Variants in APOL1 observed in about 807,000 individuals in gnomAD.
APOL1 encodes the protein apolipoprotein L1, also known as apolipoprotein L 1.
A neutral mutation model predicts 14.9 loss-of-function variants in APOL1; 17 were observed. That is an observed-to-expected ratio of 1.14 (90% CI 0.78 to 1.71). The LOEUF is 1.71. Ranked by LOEUF, APOL1 falls within the 40% of genes most tolerant of loss-of-function variation. The pLI is 0.00. For synonymous variants in APOL1, 195 were observed against 184.8 expected (o/e 1.05, Z -0.45); for missense variants, 523 against 485.9 (o/e 1.08, Z -0.72).
At chr22:36,256,908 C>T (rs900242798) in intron 2 of APOL1, among the ~76,000 whole-genome samples, 175 bp from the exon 3 acceptor site, 4 of 152,180 alleles carry the variant, frequency 2.6e-5, no homozygotes, top group South Asian at 4.1e-4. Context: ...CTCTGCACAT[C>T]GCAGACATGC....
chr22:36,261,853 G>T (rs1043367287), intron 5 of APOL1, 131 bp downstream of exon 5: 14 of 1,131,218 alleles, frequency 1.2e-5, no homozygotes, highest in Admixed American at 2.8e-5. Flanking sequence ...TGACCTTCTT[G>T]GCACTCCAGG....
At chr22:36,258,075 A>C (rs1355468890) in intron 4 of APOL1, among the ~76,000 whole-genome samples, 1 of 151,304 alleles carries the variant, frequency 6.6e-6, no homozygotes, top group East Asian at 1.9e-4. Flanking sequence ...CCTGCCACAC[A>C]ATAGGGCCTC....
chr22:36,254,815 A>T, intron 1 of APOL1, 122 bp from the exon 2 acceptor site: 1 of 1,281,966 alleles, frequency 7.8e-7, no homozygotes, highest in Non-Finnish European at 1.1e-6. Flanking sequence ...GCGAGCCTAG[A>T]TCGCCCCACT....
intron 4 of APOL1, among the ~76,000 whole-genome samples, chr22:36,260,299 G>T (rs2016037264): frequency 6.6e-6 from 1 of 152,190 alleles, no homozygotes; most frequent in Non-Finnish European, 1.5e-5. Flanking sequence ...GGAGGCTGAG[G>T]CAGGAGAATG....
chr22:36,259,791 C>T (rs916569901), intron 4 of APOL1: 1 of 1,304,196 alleles, frequency 7.7e-7, no homozygotes, highest in Non-Finnish European at 1.0e-6. Context: ...CATGCCCCGT[C>T]GAAGAACCCC....
chr22:36,254,782 G>C (rs961779506), intron 1 of APOL1, 155 bp from the exon 2 acceptor site: 13 of 895,762 alleles, frequency 1.5e-5, no homozygotes, highest in Non-Finnish European at 2.2e-5. Flanking sequence ...AGAATGGCGT[G>C]AACCCGGGAG....
chr22:36,265,448 C>T lies in APOL1; in HGVS notation c.612C>T (p.Ser204=), dbSNP rs767476842. 1 of 1,614,016 alleles carries T rather than the reference C, an allele frequency of 6.2e-7. No individual in the cohort carries two copies. The highest frequency in any genetic ancestry group is 1.3e-5 in the African/African-American group (1 of 74,898). The change falls in exon 6 of 6, where the codon AGC becomes AGT. Residue 204 remains serine (S), a synonymous_variant. Transcript: ENST00000397278. The part of the protein sequence containing the change: ...MGLAPFTEGG[S]LVLLEPGMEL... Reference sequence around the variant, plus strand: ...TGGCACCCTTCACAGAGGGAGGCAGCCTTGTACTCTTGGAACCTGGGATGG... The same window carrying T: ...TGGCACCCTTCACAGAGGGAGGCAGTCTTGTACTCTTGGAACCTGGGATGG...
intron 4 of APOL1, 105 bp from the exon 5 acceptor site, chr22:36,261,491 C>A: frequency 7.8e-7 from 1 of 1,283,260 alleles, no homozygotes; most frequent in Admixed American, 1.9e-5. Flanking sequence ...ACAAGTCCCA[C>A]ATCACAGCTG....
At chr22:36,262,251 A>C (rs1044430147) in intron 5 of APOL1, among the ~76,000 whole-genome samples, 2 of 152,012 alleles carry the variant, frequency 1.3e-5, no homozygotes, top group Non-Finnish European at 2.9e-5. Context: ...CCTTTTTCTC[A>C]TCTGAGGAAT....
At chr22:36,264,212 T>A (rs2016160021) in intron 5 of APOL1, among the ~76,000 whole-genome samples, 1 of 152,310 alleles carries the variant, frequency 6.6e-6, no homozygotes, top group Middle Eastern at 3.4e-3. Context: ...ATGGCTGACC[T>A]GGAGTCTCCA....
intron 4 of APOL1, 29 bp from the exon 5 acceptor site, chr22:36,261,567 C>G (rs1331092695): frequency 1.6e-5 from 26 of 1,605,776 alleles, no homozygotes; most frequent in Non-Finnish European, 2.0e-5. Context: ...CACTTTCCTC[C>G]AACCTTATCC....
intron 5 of APOL1, among the ~76,000 whole-genome samples, chr22:36,263,719 A>G (rs2016144859): frequency 1.3e-5 from 2 of 152,242 alleles, no homozygotes; most frequent in Non-Finnish European, 1.5e-5. Flanking sequence ...ACATTAAACC[A>G]GAAATGAAGC....
chr22:36,263,841 G>A (rs942227885), intron 5 of APOL1, among the ~76,000 whole-genome samples: 11 of 152,218 alleles, frequency 7.2e-5, no homozygotes, highest in African/African-American at 2.7e-4. Context: ...AGATGGAACA[G>A]GACTGATAGG....
rs112430448 is a variant in APOL1, at chr22:36,263,356, T to A, written c.314+1634T>A. Reference sequence around the variant, plus strand: ...TCCGGGGTTTTGTTTTTGTTTGAATTCAAAGTACTCAGAGATAGCCAGACT... The same window carrying A: ...TCCGGGGTTTTGTTTTTGTTTGAATACAAAGTACTCAGAGATAGCCAGACT... On this transcript the variant is annotated intron_variant, in intron 5 of 5. Coordinates refer to ENST00000397278, the MANE Select transcript of APOL1 (RefSeq NM_003661.4). Among the ~76,000 whole-genome samples, 318 of 152,334 alleles carry A rather than the reference T, an allele frequency of 2.1e-3. 2 individuals are homozygous for A. Among genetic ancestry groups the A allele is most frequent in the African/African-American group, 7.1e-3 (294 of 41,570 alleles).
rs941967606 is a variant in APOL1, at chr22:36,266,471, T to C, written c.*438T>C. 12 of 405,030 alleles carry C rather than the reference T, an allele frequency of 3.0e-5. No individual in the cohort carries two copies. In the Admixed American group the frequency reaches 4.6e-4, roughly 16 times the overall value. The allele number at this position is 405,030 out of a possible 1,614,324, so 25.1% of individuals were successfully genotyped here. On this transcript the variant is annotated 3_prime_UTR_variant, in exon 6 of 6. Coordinates refer to ENST00000397278, the MANE Select transcript of APOL1 (RefSeq NM_003661.4). ...AGTGTTAGGGACTTTGGCATTTCCATAGCTGAGCACAGCAGGGGAGGGGTT... is the reference window on the plus strand; with the variant it reads ...AGTGTTAGGGACTTTGGCATTTCCACAGCTGAGCACAGCAGGGGAGGGGTT...
At chr22:36,256,968 T>A (rs1488914355) in intron 2 of APOL1, 115 bp from the exon 3 acceptor site, 6 of 1,125,430 alleles carry the variant, frequency 5.3e-6, no homozygotes, top group Non-Finnish European at 7.7e-6. Flanking sequence ...TCCCAGGCCC[T>A]GGTCATTGTC....
intron 2 of APOL1, 133 bp downstream of exon 2, chr22:36,255,132 A>T: frequency 8.9e-7 from 1 of 1,127,302 alleles, no homozygotes; most frequent in Admixed American, 1.9e-5. Context: ...GGAATTGACC[A>T]ACCGGCAGAC....
chr22:36,253,946 A>G (rs2015772600), intron 1 of APOL1: 1 of 1,614,098 alleles, frequency 6.2e-7, no homozygotes, highest in African/African-American at 1.3e-5. Flanking sequence ...CTGTGGCATG[A>G]TGCCAGCTTT....
At chr22:36,257,561 AC>A in intron 4 of APOL1, 154 bp downstream of exon 4, 1 of 777,350 alleles carries the variant, frequency 1.3e-6, no homozygotes, top group East Asian at 2.5e-5. Flanking sequence ...GAGTCCCCCG[AC>A]CCAGGGGTCT....
Sources: allele counts gnomAD v4.1 joint callset (sites outside exome capture counted in the v4.1 genomes callset), GRCh38; gene constraint gnomAD v4.1.1; transcripts MANE v1.5; gene names NCBI Gene and HGNC (gene_info 2026-07-23, HGNC 2026-07-21).